Variants in CSMD3 observed in about 807,000 individuals in gnomAD.
CSMD3 encodes the protein CUB and sushi domain-containing protein 3.
CSMD3 carries 177 observed loss-of-function variants against 435.2 expected under a neutral mutation model. The observed-to-expected ratio is 0.41, with a 90% CI of 0.36 to 0.46. CSMD3 has a LOEUF of 0.46. Among genes scored for constraint, CSMD3 ranks in the 20% least tolerant of loss-of-function variants. The pLI is 0.34. For missense variants in CSMD3, 4,265 were observed against 4,504.6 expected, an observed-to-expected ratio of 0.95 and a Z score of 1.52; for synonymous variants, 1,656 against 1,520.5, an observed-to-expected ratio of 1.09 and a Z score of -2.07.
At chr8:112,633,977 C>A (rs1441754938) in intron 22 of CSMD3, among the ~76,000 whole-genome samples, 1 of 151,990 alleles carries the variant, frequency 6.6e-6, no homozygotes, top group Admixed American at 6.6e-5. Flanking sequence ...GAAACAGCAG[C>A]AAACTTTTGA....
At chr8:112,350,252 G>A (rs1826015076) in intron 40 of CSMD3, among the ~76,000 whole-genome samples, 1 of 148,340 alleles carries the variant, frequency 6.7e-6, no homozygotes, top group Non-Finnish European at 1.5e-5. Context: ...ATTGTGCAGA[G>A]TTAAGTCACA....
chr8:113,261,915 C>A (rs1223205055), intron 3 of CSMD3, among the ~76,000 whole-genome samples: 1 of 151,956 alleles, frequency 6.6e-6, no homozygotes, highest in African/African-American at 2.4e-5. Flanking sequence ...GTATCATTTG[C>A]TCCCCTTCCT....
At chr8:112,606,922 G>GA (rs71309777) in intron 22 of CSMD3, among the ~76,000 whole-genome samples, 80,248 of 121,698 alleles carry the variant, frequency 0.66, 23,448 homozygotes, top group African/African-American at 0.73. Flanking sequence ...GCTGCATGAA[G>GA]AAAATAGAAA....
At chr8:113,231,475 T>A (rs1433060009) in intron 3 of CSMD3, among the ~76,000 whole-genome samples, 1 of 151,580 alleles carries the variant, frequency 6.6e-6, no homozygotes, top group Admixed American at 6.6e-5. Context: ...AGTACACTTT[T>A]GTGGAAATAT....
At chr8:113,372,347 A>G (rs757309458) in intron 1 of CSMD3, among the ~76,000 whole-genome samples, 1 of 152,200 alleles carries the variant, frequency 6.6e-6, no homozygotes, top group Non-Finnish European at 1.5e-5. Flanking sequence ...CCAGGTAATT[A>G]GATGATTGAA....
chr8:112,764,967 T>C (rs182483453), intron 13 of CSMD3, among the ~76,000 whole-genome samples: 225 of 151,506 alleles, frequency 1.5e-3, no homozygotes, highest in Non-Finnish European at 2.1e-3. Context: ...AGATATAAAG[T>C]AGCATGGCTC....
intron 4 of CSMD3, among the ~76,000 whole-genome samples, chr8:113,111,972 C>T (rs1168784215): frequency 1.3e-5 from 2 of 152,076 alleles, no homozygotes; most frequent in African/African-American, 2.4e-5. Flanking sequence ...GGAGCCACTG[C>T]GCCTGGCTGT....
chr8:112,584,439 G>A lies in CSMD3; in HGVS notation c.3885+2627C>T, dbSNP rs1304849865. Among the ~76,000 whole-genome samples the A allele has an allele frequency of 2.0e-5, 3 of 151,808 alleles. No homozygotes were observed. The East Asian group carries it at 5.8e-4, about 29-fold the overall frequency. On this transcript the variant is annotated intron_variant, in intron 23 of 70. Transcript: ENST00000297405. Reference sequence around the variant, plus strand: ...AGTTGTTTATAGAAAGAAAGGAGGAGAGAAGAAAAAAGACAGCAGATAAGT... The same window carrying A: ...AGTTGTTTATAGAAAGAAAGGAGGAAAGAAGAAAAAAGACAGCAGATAAGT...
Position 113,123,835 on chromosome 8 carries a change from T to C in CSMD3, c.710-24872A>G, listed in dbSNP as rs1412305499. Among the ~76,000 whole-genome samples, 4 of 152,126 alleles carry C rather than the reference T, an allele frequency of 2.6e-5. No individual in the cohort carries two copies. The East Asian group carries it at 5.8e-4, about 22-fold the overall frequency. ...CTTATCTTGAATTCAGATCTGTCTCTTGAGCTCTGGATCCATTCCACCAAC... is the reference window on the plus strand; with the variant it reads ...CTTATCTTGAATTCAGATCTGTCTCCTGAGCTCTGGATCCATTCCACCAAC... On this transcript the variant is annotated intron_variant, in intron 4 of 70. Coordinates refer to ENST00000297405, the MANE Select transcript of CSMD3 (RefSeq NM_198123.2).
At chr8:112,723,911 T>C (rs1386015854) in intron 13 of CSMD3, among the ~76,000 whole-genome samples, 6 of 151,946 alleles carry the variant, frequency 3.9e-5, no homozygotes, top group Non-Finnish European at 7.4e-5. Flanking sequence ...CTCTAAGCCA[T>C]GTATTGTTCT....
At chr8:112,782,295 A>G (rs2078409573) in intron 13 of CSMD3, among the ~76,000 whole-genome samples, 1 of 152,144 alleles carries the variant, frequency 6.6e-6, no homozygotes, top group South Asian at 2.1e-4. Context: ...GGCAATTGAC[A>G]TACTGAAGAA....
intron 63 of CSMD3, among the ~76,000 whole-genome samples, chr8:112,248,782 C>T (rs1256596866): frequency 6.6e-6 from 1 of 152,046 alleles, no homozygotes; most frequent in Non-Finnish European, 1.5e-5. Flanking sequence ...TACTAAATTC[C>T]AAAATTCTTT....
At chr8:112,504,176 GA>G (rs1822276753) in intron 29 of CSMD3, among the ~76,000 whole-genome samples, 199 bp from the exon 30 acceptor site, 2 of 151,858 alleles carry the variant, frequency 1.3e-5, no homozygotes, top group Non-Finnish European at 1.5e-5. Context: ...AGGGGAAAAA[GA>G]AAAAAACTTG....
chr8:112,664,495 C>A (rs1002522367), intron 17 of CSMD3, among the ~76,000 whole-genome samples: 1 of 152,054 alleles, frequency 6.6e-6, no homozygotes, highest in East Asian at 1.9e-4. Context: ...ATAGGGGATA[C>A]GGTTTTAACA....
At chr8:113,328,035 G>C (rs1326534843) in intron 1 of CSMD3, among the ~76,000 whole-genome samples, 1 of 151,982 alleles carries the variant, frequency 6.6e-6, no homozygotes, top group African/African-American at 2.4e-5. Flanking sequence ...AGACAAACTT[G>C]TAAATTGTTA....
intron 5 of CSMD3, among the ~76,000 whole-genome samples, chr8:113,024,902 T>G (rs1439364687): frequency 2.6e-5 from 4 of 152,162 alleles, no homozygotes; most frequent in Non-Finnish European, 5.9e-5. Flanking sequence ...TTTCCAAGCA[T>G]CCATTGTCTA....
At chr8:112,292,917 T>C (rs113818282) in intron 54 of CSMD3, among the ~76,000 whole-genome samples, 2,028 of 152,246 alleles carry the variant, frequency 0.013, 45 homozygotes, top group African/African-American at 0.046. Context: ...ATTATATTAG[T>C]AAATAGAAAA....
At chr8:112,577,766 A>G (rs1830053585) in intron 23 of CSMD3, among the ~76,000 whole-genome samples, 2 of 152,088 alleles carry the variant, frequency 1.3e-5, no homozygotes, top group Admixed American at 1.3e-4. Flanking sequence ...TCCTGAATCC[A>G]GTAGGTTGAA....
chr8:112,299,168 C>T (rs968034391), intron 53 of CSMD3, among the ~76,000 whole-genome samples: 2 of 151,864 alleles, frequency 1.3e-5, no homozygotes, highest in Admixed American at 6.6e-5. Context: ...GTGAAAATAT[C>T]GAAATAGTTA....
Sources: allele counts gnomAD v4.1 joint callset (sites outside exome capture counted in the v4.1 genomes callset), GRCh38; gene constraint gnomAD v4.1.1; transcripts MANE v1.5; gene names NCBI Gene and HGNC (gene_info 2026-07-23, HGNC 2026-07-21).